GALNT9: variants seen among roughly 807,000 people sequenced by gnomAD.
GALNT9 encodes the protein polypeptide N-acetylgalactosaminyltransferase 9.
GALNT9 carries 47 observed loss-of-function variants against 63.1 expected under a neutral mutation model. The ratio of observed to expected loss-of-function variants is 0.75; its 90% CI spans 0.59 to 0.95. The LOEUF (loss-of-function observed/expected upper bound fraction) is 0.95, where lower values mean the gene tolerates loss of function less well. Among genes scored for constraint, GALNT9 ranks in the 40% least tolerant of loss-of-function variants. The pLI is 0.00. For missense variants in GALNT9, 829 were observed against 874.8 expected, an observed-to-expected ratio of 0.95 and a Z score of 0.66; for synonymous variants, 396 against 365.7, an observed-to-expected ratio of 1.08 and a Z score of -0.94.
intron 1 of GALNT9, among the ~76,000 whole-genome samples, chr12:132,292,445 C>T (rs1270356293): frequency 6.6e-6 from 1 of 152,204 alleles, no homozygotes. Flanking sequence ...CAAGGCTTCA[C>T]GGGCTCTGCT....
At chr12:132,312,428 G>A (rs1339098131) in intron 1 of GALNT9, among the ~76,000 whole-genome samples, 1 of 152,240 alleles carries the variant, frequency 6.6e-6, no homozygotes, top group African/African-American at 2.4e-5. Flanking sequence ...TGGGTTTAAG[G>A]GCGGCTGGGA....
intron 7 of GALNT9, among the ~76,000 whole-genome samples, chr12:132,201,568 C>T (rs1016163124): frequency 1.4e-4 from 22 of 152,190 alleles, no homozygotes; most frequent in East Asian, 3.9e-4. Flanking sequence ...CCTGAGAAGA[C>T]GGCCCTGCTC....
chr12:132,325,659 C>T (rs558225124), intron 1 of GALNT9, among the ~76,000 whole-genome samples: 180 of 152,336 alleles, frequency 1.2e-3, no homozygotes, highest in African/African-American at 4.0e-3. Context: ...CTCTGGGCCC[C>T]GTGGCCCACC....
chr12:132,200,975 G>A (rs547166048), intron 8 of GALNT9, 149 bp downstream of exon 8: 4 of 710,362 alleles, frequency 5.6e-6, no homozygotes, highest in Non-Finnish European at 9.4e-6. Context: ...CAGGGCGGAA[G>A]GCCTGTCGGG....
chr12:132,238,284 C>A lies in GALNT9; in HGVS notation c.1077+9626G>T, dbSNP rs1446815660. Among the ~76,000 whole-genome samples the A allele has an allele frequency of 6.6e-6, 1 of 151,876 alleles. No individual in the cohort carries two copies. Among genetic ancestry groups the A allele is most frequent in the East Asian group, 1.9e-4 (1 of 5,178 alleles). On this transcript the variant is annotated intron_variant, in intron 6 of 10. Transcript: ENST00000328957. The surrounding 1 kb of genome is among the most constrained non-coding windows in gnomAD (Gnocchi z 6.5). ...CTGCTGGGTCCCTCACGGCGGAGAC[C>A]GAGGACTCCCCTTTGCAGGTAGCTC...
At chr12:132,215,266 G>C (rs1014606861) in intron 6 of GALNT9, among the ~76,000 whole-genome samples, 1 of 152,262 alleles carries the variant, frequency 6.6e-6, no homozygotes, top group Admixed American at 6.5e-5. Context: ...AGGGACAAAA[G>C]TACTTCCTCG....
At chr12:132,223,126 ACACACACCCCACACACACACCACACAACC>A (rs1877533589) in intron 6 of GALNT9, among the ~76,000 whole-genome samples, 1 of 52,966 alleles carries the variant, frequency 1.9e-5, no homozygotes, top group Non-Finnish European at 3.6e-5. Flanking sequence ...CAGACACCCC[ACACACACCCCACACACACACCACACAACC>A]CACACACCAC....
At chr12:132,320,828 G>A (rs1868752631) in intron 1 of GALNT9, among the ~76,000 whole-genome samples, 1 of 152,168 alleles carries the variant, frequency 6.6e-6, no homozygotes, top group Admixed American at 6.5e-5. Flanking sequence ...CTTCTGCTGT[G>A]CCGCGTGCCT....
Position 132,203,561 on chromosome 12 carries a change from C to G in GALNT9, c.1207G>C (p.Val403Leu). The change falls in exon 7 of 11, where the codon GTG (valine) becomes CTG (leucine). Residue 403 changes from valine (V) to leucine (L), a missense_variant. Coordinates refer to ENST00000328957, the MANE Select transcript of GALNT9 (RefSeq NM_001122636.2). ...AKRNALRAAE[V>L]WMDDFKSHVY... ...TGGGACTTGAAGTCATCCATCCACA[C>G]CTCGGCGGCGCGCAGGGCGTTGCGC... 8 of 1,614,026 alleles carry G rather than the reference C, an allele frequency of 5.0e-6. No homozygotes were observed. The highest frequency in any genetic ancestry group is 5.1e-6 in the Non-Finnish European group (6 of 1,179,880).
chr12:132,215,833 G>A (rs1877159738), intron 6 of GALNT9, among the ~76,000 whole-genome samples: 1 of 152,076 alleles, frequency 6.6e-6, no homozygotes, highest in Non-Finnish European at 1.5e-5. Context: ...CCTGGGTGCT[G>A]GCCCTCCCTG....
At chr12:132,313,673 C>A (rs1206048358) in intron 1 of GALNT9, among the ~76,000 whole-genome samples, 1 of 143,354 alleles carries the variant, frequency 7.0e-6, no homozygotes, top group African/African-American at 2.6e-5. Context: ...CACCCATCCA[C>A]CCACCCACCC....
chr12:132,283,897 T>TC (rs767587095), intron 2 of GALNT9: 3 of 151,812 alleles, frequency 2.0e-5, no homozygotes, highest in Non-Finnish European at 2.9e-5. Flanking sequence ...GCTCTGTCTG[T>TC]CCTTCTAGCA....
chr12:132,206,456 G>C (rs1005944904), intron 6 of GALNT9, among the ~76,000 whole-genome samples: 1 of 151,942 alleles, frequency 6.6e-6, no homozygotes, highest in East Asian at 1.9e-4. Context: ...GAGACCGCCT[G>C]GCCAACATGA....
intron 2 of GALNT9, chr12:132,283,474 C>T (rs1186323900): frequency 6.5e-6 from 1 of 152,764 alleles, no homozygotes; most frequent in Admixed American, 6.5e-5. Context: ...TGAGCGCCCA[C>T]ATCCGGCCCC....
In GALNT9 at chr12:132,304,034, C is replaced by T; in HGVS notation, c.239-17604G>A. 5.0e-5 allele frequency among the ~76,000 whole-genome samples: 2 copies of T among 40,386 alleles called. 1 individual carries two copies. The highest frequency in any genetic ancestry group is 9.1e-5 in the Non-Finnish European group (2 of 21,952). 26.5% of individuals were successfully genotyped at this position (40,386 alleles called of 152,430 possible). A position where few individuals can be genotyped will look rare whatever the true frequency, so the allele number is the denominator to read the frequency against. ...GCACACCCTCTCCGGGGCACACCCT[C>T]GCCCGGACACACCCTCACCCGGGCA... On this transcript the variant is annotated intron_variant, in intron 1 of 10. Transcript: ENST00000328957.
intron 1 of GALNT9, among the ~76,000 whole-genome samples, chr12:132,298,135 G>C (rs1881143583): frequency 6.6e-6 from 1 of 151,966 alleles, no homozygotes; most frequent in African/African-American, 2.4e-5. Flanking sequence ...GCCCACTCCT[G>C]AGATAACTAA....
chr12:132,302,275 C>T (rs527334462), intron 1 of GALNT9, among the ~76,000 whole-genome samples: 1 of 144,836 alleles, frequency 6.9e-6, no homozygotes, highest in Non-Finnish European at 1.5e-5. Flanking sequence ...CACAGGATCA[C>T]CTGGGGTCTC....
intron 1 of GALNT9, among the ~76,000 whole-genome samples, chr12:132,299,259 G>C (rs1384009338): frequency 2.6e-5 from 3 of 113,838 alleles, no homozygotes; most frequent in Admixed American, 1.0e-4. Flanking sequence ...AGATGACCAA[G>C]CCACTCCTGA....
At chr12:132,328,840 C>T (rs1869156113) in intron 1 of GALNT9, 126 bp downstream of exon 1, 3 of 1,204,310 alleles carry the variant, frequency 2.5e-6, no homozygotes, top group South Asian at 3.5e-5. Context: ...TCTCCTCTCT[C>T]CTGTATATTC....
Sources: gnomAD v4.1 joint callset for allele counts (sites outside exome capture counted in the v4.1 genomes callset) on GRCh38, gnomAD v4.1.1 for gene constraint, Gnocchi (gnomAD v3.1) non-coding constraint, MANE v1.5 for transcripts, NCBI Gene and HGNC (gene_info 2026-07-23, HGNC 2026-07-21) for gene names.